KATNIP: variants seen among roughly 807,000 people sequenced by gnomAD.
The protein encoded by KATNIP is katanin interacting protein.
KATNIP carries 126 observed loss-of-function variants against 174.0 expected under a neutral mutation model. The observed-to-expected ratio is 0.72, with a 90% CI of 0.63 to 0.84. The LOEUF (loss-of-function observed/expected upper bound fraction) is 0.84, where lower values mean the gene tolerates loss of function less well. Ranked by LOEUF, KATNIP falls within the 40% of genes least tolerant of loss-of-function variation. The probability of loss-of-function intolerance (pLI) is 0.00; values close to 1 mark genes in which losing one functional copy is unlikely to be tolerated. For synonymous variants in KATNIP, 810 were observed against 835.7 expected, an observed-to-expected ratio of 0.97 and a Z score of 0.53; for missense variants, 1,958 against 2,109.7, an observed-to-expected ratio of 0.93 and a Z score of 1.41.
chr16:27,659,402 C>G (rs1179219411), intron 6 of KATNIP, among the ~76,000 whole-genome samples: 1 of 151,500 alleles, frequency 6.6e-6, no homozygotes, highest in South Asian at 2.1e-4. Context: ...CCCAGCTGCT[C>G]GGGAGGCTGA....
chr16:27,678,985 G>C (rs1483543521), intron 7 of KATNIP: 1 of 152,340 alleles, frequency 6.6e-6, no homozygotes, highest in Non-Finnish European at 1.5e-5. Context: ...ACTCGGGCTG[G>C]CCTGGCCTCT....
At chr16:27,761,686 G>T in intron 19 of KATNIP, 96 bp downstream of exon 19, 1 of 1,140,450 alleles carries the variant, frequency 8.8e-7, no homozygotes. Flanking sequence ...AAATAGAATC[G>T]CATATGTCCC....
chr16:27,574,725 C>T lies in KATNIP; in HGVS notation c.63+769C>T, dbSNP rs546087780. On this transcript the variant is annotated intron_variant, in intron 2 of 27. Transcript: ENST00000261588. ...AATTACAGGCGCCTGCCACCAAGCC[C>T]GGCTAATTTTGTATTTTTAGTAGAG... is the stretch of plus-strand genomic sequence containing the variant. Among the ~76,000 whole-genome samples, 35 of 152,016 alleles carry T rather than the reference C, an allele frequency of 2.3e-4. No homozygotes were observed. The East Asian group carries it at 6.0e-3, about 26-fold the overall frequency.
At chr16:27,698,255 G>T in intron 8 of KATNIP, 73 bp from the exon 9 acceptor site, 2 of 1,401,034 alleles carry the variant, frequency 1.4e-6, no homozygotes, top group Non-Finnish European at 9.7e-7. Context: ...TTCCTCAATT[G>T]GGGTCTAATG....
At chr16:27,555,472 T>G (rs1176510645) in intron 1 of KATNIP, among the ~76,000 whole-genome samples, 2 of 152,156 alleles carry the variant, frequency 1.3e-5, no homozygotes, top group Admixed American at 6.5e-5. Flanking sequence ...GTCAGTAAAA[T>G]GGACATGATA....
At chr16:27,690,002 A>C (rs972288760) in intron 8 of KATNIP, among the ~76,000 whole-genome samples, 2 of 152,132 alleles carry the variant, frequency 1.3e-5, no homozygotes, top group East Asian at 3.8e-4. Flanking sequence ...CCTGTTAGCC[A>C]AAGAAAGTCA....
rs750590554 is a variant in KATNIP at position 27,769,896 on chromosome 16, C to T, written c.4011C>T (p.Cys1337=). ...KIVHVSLDGL[C]VSPPEGFLIR... is the part of the protein sequence containing the mutation. ...TCCACGTCTCCCTGGATGGCCTGTG[C>T]GTCTCCCCGCCAGAGGGCTTTCTCA... The change falls in exon 21 of 28, where the codon TGC becomes TGT. Residue 1337 remains cysteine (C), a synonymous_variant. Coordinates refer to ENST00000261588, the MANE Select transcript of KATNIP (RefSeq NM_015202.5). The T allele has an allele frequency of 1.1e-5, 18 of 1,614,054 alleles. No homozygotes were observed. Among genetic ancestry groups the T allele is most frequent in the East Asian group, 2.2e-5 (1 of 44,902 alleles).
At chr16:27,586,965 A>G (rs1267082245) in intron 2 of KATNIP, among the ~76,000 whole-genome samples, 1 of 145,460 alleles carries the variant, frequency 6.9e-6, no homozygotes, top group Non-Finnish European at 1.5e-5. Flanking sequence ...TAAAAAATAC[A>G]TTGTTTGGGC....
rs368772505 is a variant in KATNIP, at chr16:27,749,613, C to T, written c.2653C>T (p.Arg885Trp). The T allele has an allele frequency of 2.6e-5, 40 of 1,540,274 alleles. No homozygotes were observed. The highest frequency in any genetic ancestry group is 3.1e-5 in the Non-Finnish European group (36 of 1,145,154). Residue 885 changes from arginine to tryptophan, a missense_variant, in exon 16 of 28, where the codon CGG (arginine) becomes TGG (tryptophan). By Grantham distance (101) the Arg-to-Trp change is moderately radical (BLOSUM62 -3). Transcript: ENST00000261588. ...CACCTGGTCTTCCAGGACGCCGTCACGGTCAAGGTGGCGCAGTGAGCAGGA... is the reference window on the plus strand; with the variant it reads ...CACCTGGTCTTCCAGGACGCCGTCATGGTCAAGGTGGCGCAGTGAGCAGGA... The part of the protein sequence containing the change: ...EDTWSSRTPS[R>W]SRWRSEQEHT...
chr16:27,679,264 T>C (rs1294118619), intron 7 of KATNIP, among the ~76,000 whole-genome samples: 2 of 152,188 alleles, frequency 1.3e-5, no homozygotes, highest in African/African-American at 4.8e-5. Flanking sequence ...TCTTTGTGGC[T>C]TGTAGACAGC....
At chr16:27,646,137 T>C (rs2142311198) in intron 5 of KATNIP, among the ~76,000 whole-genome samples, 1 of 152,326 alleles carries the variant, frequency 6.6e-6, no homozygotes, top group South Asian at 2.1e-4. Context: ...ACTTTAATCC[T>C]CTTCACACTG....
intron 3 of KATNIP, among the ~76,000 whole-genome samples, chr16:27,626,199 G>A (rs376498881): frequency 2.6e-4 from 27 of 105,326 alleles, no homozygotes; most frequent in African/African-American, 8.9e-4. Context: ...CCACTCCCCC[G>A]CCCCCCACTG....
intron 13 of KATNIP, among the ~76,000 whole-genome samples, chr16:27,713,078 G>A (rs1159396936): frequency 1.3e-5 from 2 of 152,124 alleles, no homozygotes; most frequent in Non-Finnish European, 2.9e-5. Flanking sequence ...AAAGCACTGG[G>A]ATTACAGGCA....
intron 4 of KATNIP, among the ~76,000 whole-genome samples, chr16:27,629,871 G>A (rs551860009): frequency 6.6e-6 from 1 of 152,248 alleles, no homozygotes; most frequent in African/African-American, 2.4e-5. Flanking sequence ...AAAGTAGCTG[G>A]GCATGGTGGT....
At chr16:27,762,867 C>T (rs1003525070) in intron 19 of KATNIP, among the ~76,000 whole-genome samples, 3 of 152,206 alleles carry the variant, frequency 2.0e-5, no homozygotes, top group Admixed American at 6.5e-5. Flanking sequence ...ACGCACAGTG[C>T]GGCTTATGGA....
chr16:27,657,910 G>A (rs1338226097), intron 6 of KATNIP, among the ~76,000 whole-genome samples: 1 of 151,956 alleles, frequency 6.6e-6, no homozygotes, highest in African/African-American at 2.4e-5. Flanking sequence ...ACTCCATCTT[G>A]GGAAAAACAA....
chr16:27,655,417 T>TTATG (rs1255901093), intron 6 of KATNIP, among the ~76,000 whole-genome samples: 1 of 150,276 alleles, frequency 6.7e-6, no homozygotes, highest in African/African-American at 2.4e-5. Context: ...ATTTATTTAT[T>TTATG]TATTTATTTA....
At chr16:27,640,447 G>C (rs1178347814) in intron 5 of KATNIP, among the ~76,000 whole-genome samples, 1 of 152,192 alleles carries the variant, frequency 6.6e-6, no homozygotes, top group Non-Finnish European at 1.5e-5. Flanking sequence ...AGCCTTCCGT[G>C]TGGGCAGGGC....
chr16:27,559,005 C>T (rs1329664157), intron 1 of KATNIP, among the ~76,000 whole-genome samples: 1 of 152,140 alleles, frequency 6.6e-6, no homozygotes, highest in East Asian at 1.9e-4. Flanking sequence ...GGCCACTGGG[C>T]TGATGGAATA....
Sources: allele counts gnomAD v4.1 joint callset (sites outside exome capture counted in the v4.1 genomes callset), GRCh38; gene constraint gnomAD v4.1.1; transcripts MANE v1.5; gene names NCBI Gene and HGNC (gene_info 2026-07-23, HGNC 2026-07-21).